The following QSER1 variants were observed in gnomAD, a reference collection of about 807,000 sequenced individuals.
QSER1 encodes the protein glutamine and serine-rich protein 1.
In QSER1, 49 loss-of-function variants were observed where a neutral mutation model predicts 158.5. That is an observed-to-expected ratio of 0.31 (90% confidence interval 0.25 to 0.39). The LOEUF is 0.39. Ranked by LOEUF, QSER1 falls within the 10% of genes least tolerant of loss-of-function variation. QSER1 has a pLI of 1.00. For synonymous variants in QSER1, 650 were observed against 715.5 expected (o/e 0.91, Z 1.46); for missense variants, 1,754 against 2,010.3 (o/e 0.87, Z 2.44).
Position 32,966,369 on chromosome 11 carries a change from G to A in QSER1, c.5039G>A (p.Ser1680Asn). 6.2e-7 allele frequency: 1 copy of A among 1,614,004 alleles called. No homozygotes were observed. Among genetic ancestry groups the A allele is most frequent in the Admixed American group, 1.7e-5 (1 of 59,996 alleles). The change falls in exon 9 of 13, where the codon AGC becomes AAC. Residue 1680 changes from serine to asparagine, a missense_variant. Physicochemically the swap from Ser to Asn is conservative, Grantham distance 46. Around this residue, in one of 2 missense-constraint regions of QSER1, gnomAD observed 1,707 missense variants for 1,919.6 expected, o/e 0.89. Transcript: ENST00000650167. ...NTRAMKETFKSYMELLVSIAL... is the reference protein window; with the variant it reads ...NTRAMKETFKNYMELLVSIAL... ...AGAGCAATGAAGGAAACCTTTAAGA[G>A]CTACATGGAATTGCTTGTTAGCATT...
chr11:32,972,589 C>T (rs1205334053), intron 10 of QSER1, among the ~76,000 whole-genome samples: 1 of 152,010 alleles, frequency 6.6e-6, no homozygotes, highest in Non-Finnish European at 1.5e-5. Context: ...GTGTGCACCA[C>T]CTCACCCAGC....
At chr11:32,946,821 A>G (rs1192153491) in intron 4 of QSER1, among the ~76,000 whole-genome samples, 2 of 151,752 alleles carry the variant, frequency 1.3e-5, no homozygotes, top group Non-Finnish European at 2.9e-5. Flanking sequence ...GGGCGCCCCT[A>G]CCCCAGCCTC....
At chr11:32,943,891 T>G (rs1211545914) in intron 4 of QSER1, among the ~76,000 whole-genome samples, 5 of 151,990 alleles carry the variant, frequency 3.3e-5, no homozygotes, top group Admixed American at 2.6e-4. Flanking sequence ...GGTAAGCTAT[T>G]GATTATTGCC....
chr11:32,894,717 C>G (rs925164252), intron 1 of QSER1, among the ~76,000 whole-genome samples: 3 of 152,122 alleles, frequency 2.0e-5, no homozygotes, highest in African/African-American at 4.8e-5. Context: ...CCTTTGTTTT[C>G]AAGACTTGGG....
At chr11:32,907,731 A>C (rs980653397) in intron 1 of QSER1, among the ~76,000 whole-genome samples, 5 of 152,232 alleles carry the variant, frequency 3.3e-5, no homozygotes, top group Admixed American at 1.3e-4. Flanking sequence ...CTAAATAAAC[A>C]TGCCTGGTAT....
rs543071906 is a variant in QSER1 at position 32,925,728 on chromosome 11, A to G, written c.210-1429A>G. Among the ~76,000 whole-genome samples, 18 of 151,892 alleles carry G rather than the reference A, an allele frequency of 1.2e-4. No homozygotes were observed. In the East Asian group the frequency reaches 3.3e-3, roughly 28 times the overall value. On this transcript the variant is annotated intron_variant, in intron 1 of 12. Transcript: ENST00000650167. Reference sequence around the variant, plus strand: ...TTTTTAGTAGAGATGGGGTTTTGCCATGTTGGCCAGGCTGATCTCAAACTC... The same window carrying G: ...TTTTTAGTAGAGATGGGGTTTTGCCGTGTTGGCCAGGCTGATCTCAAACTC...
At chr11:32,903,718 TCTC>T (rs1310298576) in intron 1 of QSER1, among the ~76,000 whole-genome samples, 1 of 151,938 alleles carries the variant, frequency 6.6e-6, no homozygotes, top group African/African-American at 2.4e-5. Context: ...ATCAAGCAAT[TCTC>T]CTGGCTCAGC....
intron 1 of QSER1, chr11:32,926,835 G>C (rs978865970): frequency 6.6e-6 from 1 of 152,082 alleles, no homozygotes; most frequent in East Asian, 1.9e-4. Context: ...GCCAGAAGTA[G>C]AGCCTGTACA....
intron 4 of QSER1, among the ~76,000 whole-genome samples, chr11:32,941,910 T>TAA (rs1182864045): frequency 6.6e-6 from 1 of 151,868 alleles, no homozygotes; most frequent in Admixed American, 6.6e-5. Context: ...CCTGACTTTT[T>TAA]AATGATTGCC....
In QSER1 at chr11:32,931,933, T is replaced by C. The variant is rs1394463849; in HGVS notation, c.675T>C (p.His225=). ...CATCAAATGGAATTTTAAGTCATCA[T>C]GACCCTTTGCTACAAATCAAGACTT... ...NTTSNGILSH[H]DPLLQIKTSQ... Residue 225 remains histidine (H), a synonymous_variant, in exon 4 of 13, where the codon CAT becomes CAC. Coordinates refer to ENST00000650167, the MANE Select transcript of QSER1 (RefSeq NM_001076786.3). 7 of 1,614,088 alleles carry C rather than the reference T, an allele frequency of 4.3e-6. No individual in the cohort carries two copies. In the Admixed American group the frequency reaches 8.3e-5, roughly 19 times the overall value.
At chr11:32,967,375 A>G (rs1005955577) in intron 9 of QSER1, among the ~76,000 whole-genome samples, 10 of 152,126 alleles carry the variant, frequency 6.6e-5, no homozygotes, top group African/African-American at 9.7e-5. Flanking sequence ...ATGGGGTACA[A>G]TGTACACTAC....
chr11:32,902,156 C>T (rs1000546417), intron 1 of QSER1, among the ~76,000 whole-genome samples: 5 of 152,180 alleles, frequency 3.3e-5, no homozygotes, highest in African/African-American at 1.2e-4. Flanking sequence ...AGGAGTCGGG[C>T]AGGCAAATTA....
In QSER1 at chr11:32,934,576, C is replaced by T. The variant is rs763664627; in HGVS notation, c.3318C>T (p.Phe1106=). Residue 1106 remains phenylalanine, a synonymous_variant, in exon 4 of 13, where the codon TTC becomes TTT. Transcript: ENST00000650167. ...TCCAGGAGCAAAGTTCTGGCCCATT[C>T]AAGAAACAGTCTGCTACCAATCTTG... ...HEVQEQSSGP[F]KKQSATNLES... is the part of the protein sequence containing the mutation. 1 of 1,613,448 alleles carries T rather than the reference C, an allele frequency of 6.2e-7. No individual in the cohort carries two copies. The highest frequency in any genetic ancestry group is 1.1e-5 in the South Asian group (1 of 91,054).
At chr11:32,964,460 C>T (rs1852687979) in intron 8 of QSER1, among the ~76,000 whole-genome samples, 1 of 152,124 alleles carries the variant, frequency 6.6e-6, no homozygotes, top group Non-Finnish European at 1.5e-5. Context: ...GAAGAAAGTA[C>T]ATAGTATCTT....
At position 32,932,296 on chromosome 11, in the gene QSER1, A is replaced by C. The variant is rs760724575; in HGVS notation, c.1038A>C (p.Ser346=). ...GSQHSLHSYL[S]NSSVVNFQET... ...AGCACTCCTTACATAGTTATCTATC[A>C]AATTCAAGTGTAGTTAATTTTCAGG... Residue 346 remains serine (S), a synonymous_variant, in exon 4 of 13, where the codon TCA becomes TCC. Transcript: ENST00000650167. 2.5e-6 allele frequency: 4 copies of C among 1,613,780 alleles called. No individual in the cohort carries two copies. In the African/African-American group the frequency reaches 5.3e-5, roughly 22 times the overall value.
Position 32,932,250 on chromosome 11 carries a change from A to G in QSER1, c.992A>G (p.Gln331Arg). 6.2e-7 allele frequency: 1 copy of G among 1,614,120 alleles called. No individual in the cohort carries two copies. Among genetic ancestry groups the G allele is most frequent in the Non-Finnish European group, 8.5e-7 (1 of 1,180,016 alleles). The change falls in exon 4 of 13, where the codon CAG becomes CGG. Residue 331 changes from glutamine (Q) to arginine (R), a missense_variant. Transcript: ENST00000650167. ...HQRPSGTQSI[Q>R]AQLTGSQHSL... Reference sequence around the variant, plus strand: ...CGGCCTTCAGGTACCCAGTCAATTCAGGCACAACTGACTGGTTCACAGCAC... The same window carrying G: ...CGGCCTTCAGGTACCCAGTCAATTCGGGCACAACTGACTGGTTCACAGCAC...
At chr11:32,955,928 C>G (rs964866228) in intron 6 of QSER1, 60 bp from the exon 7 acceptor site, 2 of 1,485,026 alleles carry the variant, frequency 1.3e-6, no homozygotes, top group African/African-American at 1.4e-5. Flanking sequence ...ATTGAACAAA[C>G]AAAGTAGCAT....
intron 4 of QSER1, among the ~76,000 whole-genome samples, chr11:32,935,723 A>AT (rs1293309716): frequency 6.6e-6 from 1 of 152,254 alleles, no homozygotes; most frequent in Non-Finnish European, 1.5e-5. Context: ...GAGGCACTGT[A>AT]TTGTGGGCAT....
intron 10 of QSER1, among the ~76,000 whole-genome samples, chr11:32,972,405 G>T (rs1426209393): frequency 1.4e-5 from 2 of 138,938 alleles, no homozygotes; most frequent in Non-Finnish European, 3.1e-5. Context: ...TAGGCCAGTG[G>T]CTTATTTATT....
Sources: allele counts gnomAD v4.1 joint callset (sites outside exome capture counted in the v4.1 genomes callset), GRCh38; gene constraint gnomAD v4.1.1; regional missense constraint gnomAD v4.1.1; transcripts MANE v1.5; gene names NCBI Gene and HGNC (gene_info 2026-07-23, HGNC 2026-07-21).